MED27: variants seen among roughly 807,000 people sequenced by gnomAD.
MED27 encodes mediator complex subunit 27, also known as mediator of RNA polymerase II transcription subunit 27.
Under a neutral mutation model 38.2 loss-of-function variants are expected in MED27, and 30 were observed. That is an observed-to-expected ratio of 0.79 (90% CI 0.59 to 1.07). The LOEUF (loss-of-function observed/expected upper bound fraction) is 1.07. Ranked by LOEUF, MED27 falls within the 50% of genes least tolerant of loss-of-function variation. The probability of loss-of-function intolerance (pLI) is 0.00; values close to 1 mark genes in which losing one functional copy is unlikely to be tolerated. For missense variants in MED27, 289 were observed against 397.5 expected, an observed-to-expected ratio of 0.73 and a Z score of 2.32; for synonymous variants, 122 against 153.5, an observed-to-expected ratio of 0.79 and a Z score of 1.52.
At chr9:132,028,683 C>T (rs1439902729) in intron 2 of MED27, among the ~76,000 whole-genome samples, 1 of 152,062 alleles carries the variant, frequency 6.6e-6, no homozygotes, top group Non-Finnish European at 1.5e-5. Flanking sequence ...ATTGGAGATA[C>T]CGAACAGGGG....
chr9:131,938,935 G>A (rs1435876680), intron 4 of MED27, among the ~76,000 whole-genome samples: 2 of 152,082 alleles, frequency 1.3e-5, no homozygotes, highest in East Asian at 3.9e-4. Context: ...GGATGGTCTC[G>A]ATCTCCTGAC....
chr9:131,863,861 T>C (rs773383860), intron 6 of MED27, among the ~76,000 whole-genome samples: 4 of 152,152 alleles, frequency 2.6e-5, no homozygotes, highest in Non-Finnish European at 5.9e-5. Flanking sequence ...GAGAAGTTTA[T>C]CAGCAAGGCC....
intron 2 of MED27, among the ~76,000 whole-genome samples, chr9:132,042,094 C>T (rs1280757123): frequency 1.3e-5 from 2 of 152,146 alleles, no homozygotes; most frequent in African/African-American, 2.4e-5. Context: ...GGAAAGAGCA[C>T]GGCACGGGAA....
rs536596803 is a variant in MED27, at chr9:131,944,325, C to G, written c.480-4851G>C. 5.3e-5 allele frequency among the ~76,000 whole-genome samples: 8 copies of G among 152,218 alleles called. No homozygotes were observed. In the East Asian group the frequency reaches 1.5e-3, roughly 29 times the overall value. ...TGGTCTGCATAAATACCCCCCATTGCCACCTCATGAGGCAACCCCTTGCAT... is the reference window on the plus strand; with the variant it reads ...TGGTCTGCATAAATACCCCCCATTGGCACCTCATGAGGCAACCCCTTGCAT... On this transcript the variant is annotated intron_variant, in intron 3 of 7. Transcript: ENST00000292035.
In MED27 at chr9:131,874,377, C is replaced by T. The variant is rs1209594362; in HGVS notation, c.723+9681G>A. The stretch of plus-strand genomic sequence containing the variant: ...CCAAGCTGTGCTCTCCTTGAGGCCA[C>T]ACCTGCCACATCTCCATCCTCCCTG... On this transcript the variant is annotated intron_variant, in intron 6 of 7. Transcript: ENST00000292035. 2.0e-5 allele frequency among the ~76,000 whole-genome samples: 3 copies of T among 152,222 alleles called. No homozygotes were observed. The East Asian group carries it at 5.8e-4, about 29-fold the overall frequency.
At chr9:131,915,134 CAG>C (rs1010947054) in intron 4 of MED27, among the ~76,000 whole-genome samples, 2 of 152,034 alleles carry the variant, frequency 1.3e-5, no homozygotes, top group Non-Finnish European at 2.9e-5. Flanking sequence ...TAGGAGTAGA[CAG>C]AGAGGGGACA....
At chr9:132,007,915 A>G (rs1369725337) in intron 3 of MED27, among the ~76,000 whole-genome samples, 1 of 152,138 alleles carries the variant, frequency 6.6e-6, no homozygotes, top group Non-Finnish European at 1.5e-5. Flanking sequence ...TTCATGGAAG[A>G]TAATATAATG....
intron 2 of MED27, among the ~76,000 whole-genome samples, chr9:132,017,121 A>G (rs1031003597): frequency 3.3e-5 from 5 of 152,218 alleles, no homozygotes; most frequent in African/African-American, 1.2e-4. Flanking sequence ...GGGGCCCATT[A>G]AATATTTACT....
intron 6 of MED27, among the ~76,000 whole-genome samples, chr9:131,868,146 T>C (rs7868927): frequency 6.6e-6 from 1 of 152,168 alleles, no homozygotes; most frequent in African/African-American, 2.4e-5. Context: ...TTCTGAAAAG[T>C]GCTTTTTTTA....
intron 4 of MED27, among the ~76,000 whole-genome samples, chr9:131,912,711 CT>C (rs1564280880): frequency 6.6e-6 from 1 of 152,162 alleles, no homozygotes; most frequent in Non-Finnish European, 1.5e-5. Context: ...TCTTAAATTC[CT>C]TTTTATGGTT....
chr9:132,043,787 A>G (rs556621835), intron 2 of MED27, among the ~76,000 whole-genome samples: 11 of 152,340 alleles, frequency 7.2e-5, no homozygotes, highest in South Asian at 6.2e-4. Context: ...GTGGATATCA[A>G]TAAGAAAAAA....
rs1278703647 is a variant in MED27, at chr9:131,913,520, T to C, written c.574-19528A>G. Among the ~76,000 whole-genome samples the C allele has an allele frequency of 6.6e-6, 1 of 152,210 alleles. No individual in the cohort carries two copies. Among genetic ancestry groups the C allele is most frequent in the African/African-American group, 2.4e-5 (1 of 41,456 alleles). On this transcript the variant is annotated intron_variant, in intron 4 of 7. Transcript: ENST00000292035. This position sits in a 1 kb window ranked among gnomAD's most constrained non-coding sequence, Gnocchi z 4.5. ...TATTAAGTGGTAGCAGTCATCAGAA[T>C]AATATTCACAGTGGCAGGGGCATAC...
At chr9:131,901,044 G>C (rs925499533) in intron 4 of MED27, among the ~76,000 whole-genome samples, 1 of 143,822 alleles carries the variant, frequency 7.0e-6, no homozygotes. Context: ...GAAAGAAAGA[G>C]GGGGAGAGAG....
intron 2 of MED27, among the ~76,000 whole-genome samples, chr9:132,054,120 C>T (rs914293965): frequency 6.6e-6 from 1 of 152,072 alleles, no homozygotes; most frequent in African/African-American, 2.4e-5. Context: ...TTGTTCCTGC[C>T]CAAATCTCAT....
At chr9:131,961,138 G>C (rs1385111495) in intron 3 of MED27, among the ~76,000 whole-genome samples, 1 of 152,230 alleles carries the variant, frequency 6.6e-6, no homozygotes, top group African/African-American at 2.4e-5. Flanking sequence ...CTGAGCTCTT[G>C]CTTATCAACA....
intron 3 of MED27, among the ~76,000 whole-genome samples, chr9:131,972,969 T>G (rs1156521542): frequency 6.6e-6 from 1 of 152,166 alleles, no homozygotes; most frequent in Non-Finnish European, 1.5e-5. Flanking sequence ...CCTCTCTATA[T>G]TAAAATGCAG....
chr9:131,931,167 C>T (rs1830579319), intron 4 of MED27, among the ~76,000 whole-genome samples: 1 of 152,058 alleles, frequency 6.6e-6, no homozygotes, highest in Non-Finnish European at 1.5e-5. Flanking sequence ...ATCACTTGAG[C>T]TCAGGGGGCG....
chr9:131,988,140 T>G (rs1374216682), intron 3 of MED27, among the ~76,000 whole-genome samples: 1 of 152,230 alleles, frequency 6.6e-6, no homozygotes, highest in African/African-American at 2.4e-5. Context: ...TTTGCCTTTT[T>G]CAAAATTTCC....
At chr9:131,953,818 CTTT>C (rs35830214) in intron 3 of MED27, among the ~76,000 whole-genome samples, 184 of 135,280 alleles carry the variant, frequency 1.4e-3, no homozygotes, top group African/African-American at 4.4e-3. Flanking sequence ...ACTTTTATAT[CTTT>C]TTTTTTTTTT....
Sources: gnomAD v4.1 joint callset for allele counts (sites outside exome capture counted in the v4.1 genomes callset) on GRCh38, gnomAD v4.1.1 for gene constraint, Gnocchi (gnomAD v3.1) non-coding constraint, MANE v1.5 for transcripts, NCBI Gene and HGNC (gene_info 2026-07-23, HGNC 2026-07-21) for gene names.